Variants in PTPRN2 observed in about 807,000 individuals in gnomAD.
PTPRN2 encodes receptor-type tyrosine-protein phosphatase N2.
A neutral mutation model predicts 118.8 loss-of-function variants in PTPRN2; 74 were observed. That is an observed-to-expected ratio of 0.62 (90% CI 0.52 to 0.76). PTPRN2 has a LOEUF of 0.76. Among genes scored for constraint, PTPRN2 ranks in the 30% least tolerant of loss-of-function variants. The probability of loss-of-function intolerance (pLI) is 0.00; values close to 1 mark genes in which losing one functional copy is unlikely to be tolerated. For missense variants in PTPRN2, 1,481 were observed against 1,394.4 expected, an observed-to-expected ratio of 1.06 and a Z score of -0.99; for synonymous variants, 641 against 608.0, an observed-to-expected ratio of 1.05 and a Z score of -0.80.
chr7:158,441,461 T>C (rs1489531405), intron 2 of PTPRN2, among the ~76,000 whole-genome samples: 3 of 148,242 alleles, frequency 2.0e-5, no homozygotes, highest in Non-Finnish European at 3.0e-5. Context: ...GTGGTGGTGA[T>C]AGTGATGGTC....
At chr7:157,734,692 C>T (rs1283893675) in intron 12 of PTPRN2, among the ~76,000 whole-genome samples, 3 of 152,230 alleles carry the variant, frequency 2.0e-5, no homozygotes, top group African/African-American at 4.8e-5. Context: ...GCTGTACTTA[C>T]ATCTGGGGTC....
intron 12 of PTPRN2, among the ~76,000 whole-genome samples, chr7:157,896,076 G>C (rs192462715): frequency 2.8e-4 from 37 of 132,768 alleles, no homozygotes; most frequent in African/African-American, 5.7e-4. Flanking sequence ...AGGTGCCCAG[G>C]GGAGGACGGG....
chr7:157,797,681 C>T (rs573471102), intron 12 of PTPRN2, among the ~76,000 whole-genome samples: 264 of 152,314 alleles, frequency 1.7e-3, no homozygotes, highest in Non-Finnish European at 2.6e-3. Flanking sequence ...TCCTTCAACG[C>T]GAAGCTTGCA....
At position 157,588,825 on chromosome 7, in the gene PTPRN2, A is replaced by G. The variant is rs150268990; in HGVS notation, c.2496+6413T>C. ...CTGAAGAGACACCCTGGCACTACAC[A>G]TGTCTGGGTCTAGAATGGGCTTTGC... On this transcript the variant is annotated intron_variant, in intron 17 of 22. Coordinates refer to ENST00000389418, the MANE Select transcript of PTPRN2 (RefSeq NM_002847.5). Among the ~76,000 whole-genome samples the G allele has an allele frequency of 2.6e-3, 402 of 152,040 alleles. 3 individuals carry two copies. Among genetic ancestry groups the G allele is most frequent in the African/African-American group, 9.2e-3 (382 of 41,452 alleles).
chr7:158,092,413 G>C (rs1814269928), intron 10 of PTPRN2, among the ~76,000 whole-genome samples: 1 of 151,714 alleles, frequency 6.6e-6, no homozygotes, highest in Non-Finnish European at 1.5e-5. Context: ...TGGGTGGATG[G>C]CTGGCTGGAT....
At chr7:158,014,207 T>G (rs1181417954) in intron 11 of PTPRN2, among the ~76,000 whole-genome samples, 5 of 150,264 alleles carry the variant, frequency 3.3e-5, no homozygotes, top group African/African-American at 4.9e-5. Flanking sequence ...TATGCATCCA[T>G]CCAGCCAGCC....
At chr7:157,910,146 G>T (rs1178924991) in intron 11 of PTPRN2, among the ~76,000 whole-genome samples, 1 of 152,268 alleles carries the variant, frequency 6.6e-6, no homozygotes, top group African/African-American at 2.4e-5. Context: ...TCCAATACCG[G>T]CTGCCAGCCA....
At chr7:158,062,624 G>A (rs927865076) in intron 11 of PTPRN2, among the ~76,000 whole-genome samples, 2 of 152,272 alleles carry the variant, frequency 1.3e-5, no homozygotes, top group African/African-American at 4.8e-5. Flanking sequence ...GGGCCAGCAC[G>A]AGTTCTGGGT....
At chr7:157,901,295 G>C (rs1337656210) in intron 11 of PTPRN2, among the ~76,000 whole-genome samples, 1 of 152,128 alleles carries the variant, frequency 6.6e-6, no homozygotes, top group African/African-American at 2.4e-5. Context: ...TCCAACATGG[G>C]GACCAAATTT....
chr7:158,205,323 A>T (rs1355105023), intron 3 of PTPRN2, 50 bp from the exon 4 acceptor site: 1 of 1,381,072 alleles, frequency 7.2e-7, no homozygotes, highest in African/African-American at 1.4e-5. Context: ...AAATTTAGCC[A>T]AAGCTCTTGC....
intron 2 of PTPRN2, among the ~76,000 whole-genome samples, chr7:158,428,744 A>G (rs1815942617): frequency 1.3e-5 from 2 of 152,204 alleles, no homozygotes; most frequent in Admixed American, 6.5e-5. Context: ...GTCACAGTTC[A>G]GTGACAGAGT....
rs1011838814 is a variant in PTPRN2 at position 158,565,867 on chromosome 7, A to G, written c.112+21691T>C. Among the ~76,000 whole-genome samples, 1 of 152,130 alleles carries G rather than the reference A, an allele frequency of 6.6e-6. No homozygotes were observed. Among genetic ancestry groups the G allele is most frequent in the Non-Finnish European group, 1.5e-5 (1 of 68,030 alleles). On this transcript the variant is annotated intron_variant, in intron 1 of 22. Transcript: ENST00000389418. This position sits in a 1 kb window ranked among gnomAD's most constrained non-coding sequence, Gnocchi z 4.6. ...TTCTGATGAGGAAACCGAGGCATGG[A>G]GCTTCTTAGGAACTTTCCACAGGTC...
At chr7:158,447,451 G>A (rs1408929803) in intron 2 of PTPRN2, among the ~76,000 whole-genome samples, 1 of 152,174 alleles carries the variant, frequency 6.6e-6, no homozygotes, top group African/African-American at 2.4e-5. Flanking sequence ...GGCCCTGACG[G>A]ACTCAGGCCA....
At chr7:158,481,075 G>C (rs979768647) in intron 2 of PTPRN2, among the ~76,000 whole-genome samples, 5 of 152,238 alleles carry the variant, frequency 3.3e-5, no homozygotes, top group African/African-American at 1.2e-4. Flanking sequence ...CTAGAGAGAA[G>C]ACAGCGCCTG....
chr7:157,546,282 T>C (rs778477760), intron 22 of PTPRN2, among the ~76,000 whole-genome samples: 4 of 152,342 alleles, frequency 2.6e-5, no homozygotes, highest in Admixed American at 6.5e-5. Context: ...TATTTATTTA[T>C]TTATATTTAA....
chr7:158,159,195 T>C (rs4326331), intron 6 of PTPRN2, among the ~76,000 whole-genome samples: 726 of 24,208 alleles, frequency 0.03, 88 homozygotes, highest in Middle Eastern at 0.17. Context: ...GCCGGGACTT[T>C]GCAAGTGCTT....
intron 12 of PTPRN2, among the ~76,000 whole-genome samples, chr7:157,771,929 C>T (rs1262797617): frequency 6.8e-6 from 1 of 147,024 alleles, no homozygotes; most frequent in African/African-American, 2.6e-5. Context: ...CACAGAGACA[C>T]ACACAGACAC....
intron 21 of PTPRN2, among the ~76,000 whole-genome samples, chr7:157,557,572 A>T (rs10225676): frequency 3.4e-5 from 5 of 148,884 alleles, no homozygotes; most frequent in Admixed American, 1.3e-4. Flanking sequence ...ACACACACAC[A>T]CTCTCCTGGG....
intron 1 of PTPRN2, among the ~76,000 whole-genome samples, chr7:158,558,146 C>T (rs1827167237): frequency 6.6e-6 from 1 of 152,032 alleles, no homozygotes; most frequent in Non-Finnish European, 1.5e-5. Flanking sequence ...CACCACACCC[C>T]ACTAAATTTT....
Sources: gnomAD v4.1 joint callset for allele counts (sites outside exome capture counted in the v4.1 genomes callset) on GRCh38, gnomAD v4.1.1 for gene constraint, Gnocchi (gnomAD v3.1) non-coding constraint, MANE v1.5 for transcripts, NCBI Gene and HGNC (gene_info 2026-07-23, HGNC 2026-07-21) for gene names.